The following SORCS1 variants were observed in gnomAD, a reference collection of about 807,000 sequenced individuals.
SORCS1 encodes sortilin related VPS10 domain containing receptor 1, also known as VPS10 domain-containing receptor SorCS1.
In SORCS1, 60 loss-of-function variants were observed where a neutral mutation model predicts 146.1. The ratio of observed to expected loss-of-function variants is 0.41; its 90% confidence interval spans 0.33 to 0.51. The LOEUF (loss-of-function observed/expected upper bound fraction) is 0.51. Ranked by LOEUF, SORCS1 falls within the 20% of genes least tolerant of loss-of-function variation. The pLI is 0.21. For synonymous variants in SORCS1, 637 were observed against 584.0 expected, an observed-to-expected ratio of 1.09 and a Z score of -1.31; for missense variants, 1,352 against 1,487.6, an observed-to-expected ratio of 0.91 and a Z score of 1.50.
At chr10:106,653,440 T>C (rs925865699) in intron 17 of SORCS1, among the ~76,000 whole-genome samples, 4 of 152,226 alleles carry the variant, frequency 2.6e-5, no homozygotes, top group Non-Finnish European at 5.9e-5. Flanking sequence ...TCCACTCTTC[T>C]AGACCAGAGG....
chr10:106,681,784 T>C (rs1852451828), intron 10 of SORCS1, among the ~76,000 whole-genome samples: 2 of 152,286 alleles, frequency 1.3e-5, no homozygotes, highest in South Asian at 4.1e-4. Context: ...TTTGAGTTAT[T>C]TGCCACCTGA....
chr10:107,087,792 C>T (rs899759037), intron 1 of SORCS1, among the ~76,000 whole-genome samples: 24 of 152,232 alleles, frequency 1.6e-4, no homozygotes, highest in Admixed American at 3.9e-4. Context: ...AAATAAATAT[C>T]GGCTTAGGCC....
At chr10:107,069,453 G>A (rs12358841) in intron 1 of SORCS1, among the ~76,000 whole-genome samples, 34,396 of 151,762 alleles carry the variant, frequency 0.23, 4,228 homozygotes, top group Middle Eastern at 0.41. Flanking sequence ...TCGGCTCACT[G>A]CAACCTTCGC....
At chr10:106,773,816 G>T (rs1240326848) in intron 4 of SORCS1, among the ~76,000 whole-genome samples, 9 of 152,096 alleles carry the variant, frequency 5.9e-5, no homozygotes, top group African/African-American at 2.2e-4. Flanking sequence ...AGGCGTGGTG[G>T]CACACACCTG....
chr10:106,832,771 A>T (rs1187196265), intron 2 of SORCS1, among the ~76,000 whole-genome samples: 3 of 152,186 alleles, frequency 2.0e-5, no homozygotes, highest in Non-Finnish European at 4.4e-5. Flanking sequence ...AATCGGTAAG[A>T]CTACATGAGA....
At chr10:107,037,749 T>TG (rs1230738838) in intron 1 of SORCS1, among the ~76,000 whole-genome samples, 1 of 152,256 alleles carries the variant, frequency 6.6e-6, no homozygotes, top group East Asian at 1.9e-4. Context: ...AGGAGAAACT[T>TG]GCTCATCAAG....
chr10:106,599,833 G>A (rs892954519), intron 23 of SORCS1, among the ~76,000 whole-genome samples: 2 of 151,382 alleles, frequency 1.3e-5, no homozygotes, highest in Admixed American at 1.3e-4. Context: ...GTGCAATGGC[G>A]CGATCTCGGC....
Position 106,859,540 on chromosome 10 carries a change from C to T in SORCS1, c.627-29867G>A, listed in dbSNP as rs867695172. On this transcript the variant is annotated intron_variant, in intron 2 of 25. Transcript: ENST00000263054. ...TCCCCAGTGGCTGGGACTACAGGTG[C>T]GCACCACCATGCCCAGGTAATTTTT... 3.4e-4 allele frequency among the ~76,000 whole-genome samples: 52 copies of T among 152,202 alleles called. 1 individual carries two copies. The Middle Eastern group carries it at 0.01, about 30-fold the overall frequency.
At chr10:106,857,107 G>A (rs1276699662) in intron 2 of SORCS1, among the ~76,000 whole-genome samples, 1 of 152,172 alleles carries the variant, frequency 6.6e-6, no homozygotes, top group Non-Finnish European at 1.5e-5. Context: ...TGAAAGCAGT[G>A]AACATATCTT....
At chr10:106,936,741 C>T (rs959682284) in intron 2 of SORCS1, among the ~76,000 whole-genome samples, 20 of 152,154 alleles carry the variant, frequency 1.3e-4, no homozygotes, top group African/African-American at 4.8e-4. Flanking sequence ...TCTTCATTCC[C>T]TTAAGAGGAA....
chr10:106,597,289 G>C, intron 24 of SORCS1, 62 bp downstream of exon 24: 3 of 1,324,208 alleles, frequency 2.3e-6, no homozygotes, highest in Middle Eastern at 3.6e-4. Context: ...GAGGAAGGAA[G>C]CACGGACTAG....
rs958673132 is a variant in SORCS1 at position 107,060,567 on chromosome 10, G to T, written c.558+103402C>A. ...CTCTCAGGCCTCAAGGACCTTCCTTGGGATCAAAGTCATTTTTCTGTGCTC... is the reference window on the plus strand; with the variant it reads ...CTCTCAGGCCTCAAGGACCTTCCTTTGGATCAAAGTCATTTTTCTGTGCTC... On this transcript the variant is annotated intron_variant, in intron 1 of 25. Transcript: ENST00000263054. This position sits in a 1 kb window ranked among gnomAD's most constrained non-coding sequence, Gnocchi z 4.1. Among the ~76,000 whole-genome samples the T allele has an allele frequency of 6.6e-6, 1 of 152,036 alleles. No homozygotes were observed. The highest frequency in any genetic ancestry group is 2.4e-5 in the African/African-American group (1 of 41,402).
chr10:106,674,245 C>T (rs1851840964), intron 14 of SORCS1, among the ~76,000 whole-genome samples: 1 of 142,112 alleles, frequency 7.0e-6, no homozygotes, highest in African/African-American at 2.6e-5. Context: ...AGGAGAATGG[C>T]ATGAACCCAG....
At chr10:106,992,450 G>A (rs1374092003) in intron 1 of SORCS1, among the ~76,000 whole-genome samples, 2 of 152,012 alleles carry the variant, frequency 1.3e-5, no homozygotes, top group Non-Finnish European at 2.9e-5. Context: ...GATCTATATT[G>A]CAGACCCCCT....
intron 1 of SORCS1, among the ~76,000 whole-genome samples, chr10:107,014,230 C>T (rs1957797630): frequency 7.3e-6 from 1 of 137,878 alleles, no homozygotes; most frequent in Non-Finnish European, 1.5e-5. Context: ...CCAGCCTGGA[C>T]CAGACAGAGG....
intron 3 of SORCS1, among the ~76,000 whole-genome samples, chr10:106,806,008 C>T (rs565621021): frequency 7.1e-6 from 1 of 141,162 alleles, no homozygotes; most frequent in Admixed American, 7.6e-5. Flanking sequence ...TGCAGTGAGC[C>T]GAGATCGCAC....
chr10:106,691,545 C>T (rs925605775), intron 9 of SORCS1, among the ~76,000 whole-genome samples: 4 of 152,132 alleles, frequency 2.6e-5, no homozygotes, highest in Non-Finnish European at 5.9e-5. Flanking sequence ...ATAGCTCAAA[C>T]CTTAAGCCTA....
chr10:107,121,699 A>AT (rs1966423510), intron 1 of SORCS1, among the ~76,000 whole-genome samples: 1 of 152,224 alleles, frequency 6.6e-6, no homozygotes, highest in African/African-American at 2.4e-5. Flanking sequence ...TAAAACTGGC[A>AT]TAACAGTACA....
chr10:106,730,351 G>A (rs1297581627), intron 5 of SORCS1, among the ~76,000 whole-genome samples: 1 of 152,198 alleles, frequency 6.6e-6, no homozygotes, highest in South Asian at 2.1e-4. Context: ...CAAGGATGTT[G>A]CATGTTATTA....
Sources: gnomAD v4.1 joint callset for allele counts (sites outside exome capture counted in the v4.1 genomes callset) on GRCh38, gnomAD v4.1.1 for gene constraint, Gnocchi (gnomAD v3.1) non-coding constraint, MANE v1.5 for transcripts, NCBI Gene and HGNC (gene_info 2026-07-23, HGNC 2026-07-21) for gene names.